GCC2: variants seen among roughly 807,000 people sequenced by gnomAD.
The protein encoded by GCC2 is GRIP and coiled-coil domain-containing protein 2.
GCC2 carries 120 observed loss-of-function variants against 210.6 expected under a neutral mutation model. That is an observed-to-expected ratio of 0.57 (90% CI 0.49 to 0.66). The LOEUF (loss-of-function observed/expected upper bound fraction) is 0.66, where lower values mean the gene tolerates loss of function less well. Among genes scored for constraint, GCC2 ranks in the 30% least tolerant of loss-of-function variants. The probability of loss-of-function intolerance (pLI) is 0.00; values close to 1 mark genes in which losing one functional copy is unlikely to be tolerated. For synonymous variants in GCC2, 703 were observed against 652.7 expected (o/e 1.08, Z -1.17); for missense variants, 1,868 against 1,871.9 (o/e 1.00, Z 0.04).
intron 15 of GCC2, among the ~76,000 whole-genome samples, chr2:108,486,126 T>G (rs192057858): frequency 6.6e-6 from 1 of 152,268 alleles, no homozygotes; most frequent in African/African-American, 2.4e-5. Flanking sequence ...TAATATACTA[T>G]AGAATAGTGC....
At chr2:108,449,778 AT>A (rs377365761) in intron 2 of GCC2, 89 bp downstream of exon 2, 192,435 of 697,212 alleles carry the variant, frequency 0.28, 6,846 homozygotes, top group African/African-American at 0.34. Flanking sequence ...GGGGGCGCTG[AT>A]TTTTTTTTTT....
intron 22 of GCC2, among the ~76,000 whole-genome samples, chr2:108,505,269 T>C (rs1683127013): frequency 2.0e-5 from 3 of 152,242 alleles, no homozygotes; most frequent in Non-Finnish European, 4.4e-5. Flanking sequence ...TTCTCTTTAT[T>C]CTTGGGAACA....
chr2:108,477,983 T>C lies in GCC2; in HGVS notation c.3060+2133T>C, dbSNP rs554933184. 3.6e-3 allele frequency among the ~76,000 whole-genome samples: 542 copies of C among 152,300 alleles called. 2 individuals carry two copies. The highest frequency in any genetic ancestry group is 5.7e-3 in the Non-Finnish European group (389 of 68,030). On this transcript the variant is annotated intron_variant, in intron 9 of 22. Coordinates refer to ENST00000309863, the MANE Select transcript of GCC2 (RefSeq NM_181453.4). ...ATCACTTGAACCTGGAAGGTGGCAG[T>C]TGCAGTGAGCGGAGATTGTACCACT...
At chr2:108,481,904 G>T (rs1681874710) in intron 10 of GCC2, 88 bp downstream of exon 10, 2 of 978,082 alleles carry the variant, frequency 2.0e-6, no homozygotes, top group Non-Finnish European at 2.9e-6. Flanking sequence ...AAAAAATATA[G>T]TCGGAAACAG....
chr2:108,486,149 G>C (rs1682128380), intron 15 of GCC2, among the ~76,000 whole-genome samples: 1 of 152,044 alleles, frequency 6.6e-6, no homozygotes, highest in Admixed American at 6.5e-5. Flanking sequence ...AATAAAATAA[G>C]CCTGCATCTG....
intron 4 of GCC2, among the ~76,000 whole-genome samples, chr2:108,467,231 T>C (rs922871892): frequency 9.2e-5 from 14 of 152,324 alleles, no homozygotes; most frequent in African/African-American, 3.4e-4. Flanking sequence ...TCACACATCT[T>C]TTGGTAAAGT....
intron 22 of GCC2, among the ~76,000 whole-genome samples, 190 bp downstream of exon 22, chr2:108,499,944 A>G (rs1420883409): frequency 6.6e-6 from 1 of 152,224 alleles, no homozygotes; most frequent in East Asian, 1.9e-4. Context: ...GTACATTTAT[A>G]TAATTTTAAC....
chr2:108,485,102 A>G (rs556341786), intron 13 of GCC2, among the ~76,000 whole-genome samples: 1 of 150,820 alleles, frequency 6.6e-6, no homozygotes, highest in South Asian at 2.1e-4. Flanking sequence ...ATTCTCACTC[A>G]TAGGTGGGAA....
rs3084885 is a variant in GCC2 at position 108,498,183 on chromosome 2, C to CTTTTT, written c.4782+1100_4782+1104dup. ...ATGACTTATTTAAATGTTATATTTT[C>CTTTTT]TTTTTTTTTTTTTTTTTTTTTTTTT... On this transcript the variant is annotated intron_variant, in intron 21 of 22. Transcript: ENST00000309863. 9.9e-3 allele frequency among the ~76,000 whole-genome samples: 572 copies of CTTTTT among 57,504 alleles called. 88 individuals carry two copies. Among genetic ancestry groups the CTTTTT allele is most frequent in the Middle Eastern group, 0.029 (2 of 70 alleles). 37.7% of individuals were successfully genotyped at this position (57,504 alleles called of 152,430 possible).
In GCC2 at chr2:108,492,628, G is replaced by A. The variant is rs1028058886; in HGVS notation, c.4285G>A (p.Val1429Met). The A allele has an allele frequency of 3.1e-6, 5 of 1,613,766 alleles. No homozygotes were observed. In the East Asian group the frequency reaches 8.9e-5, roughly 29 times the overall value. ...GATGAAATCTGAACATACACAGACTGTGAGTCAGCTAACATCCCAGAACGA... is the reference window on the plus strand; with the variant it reads ...GATGAAATCTGAACATACACAGACTATGAGTCAGCTAACATCCCAGAACGA... ...MMMKSEHTQT[V>M]SQLTSQNEVL... The change falls in exon 19 of 23, where the codon GTG becomes ATG. Residue 1429 changes from valine (V) to methionine (M), a missense_variant. Around this residue, in one of 3 missense-constraint regions of GCC2, gnomAD observed 1,847 missense variants for 1,765.2 expected, o/e 1.05. Transcript: ENST00000309863.
chr2:108,482,239 GTA>G (rs1466395544), intron 10 of GCC2, 46 bp from the exon 11 acceptor site: 5 of 1,090,848 alleles, frequency 4.6e-6, no homozygotes, highest in Admixed American at 2.1e-5. Context: ...TTCCTCTGCT[GTA>G]TATGTTTTTT....
chr2:108,492,814 T>C, intron 19 of GCC2, 24 bp downstream of exon 19: 4 of 1,498,528 alleles, frequency 2.7e-6, no homozygotes, highest in Non-Finnish European at 3.7e-6. Context: ...CATGGAAATA[T>C]TAGTTGTTCA....
chr2:108,469,422 G>C (rs1484776367), intron 5 of GCC2: 3 of 457,142 alleles, frequency 6.6e-6, no homozygotes, highest in African/African-American at 6.0e-5. Context: ...TTGCCTATTA[G>C]GTCTGGGCTA....
chr2:108,490,363 GT>G (rs1682350022), intron 18 of GCC2, among the ~76,000 whole-genome samples: 1 of 151,970 alleles, frequency 6.6e-6, no homozygotes, highest in Non-Finnish European at 1.5e-5. Flanking sequence ...CACCCAAATA[GT>G]TGCTAACTGA....
chr2:108,464,806 AAAG>A (rs1387620432), intron 4 of GCC2, among the ~76,000 whole-genome samples: 1 of 152,184 alleles, frequency 6.6e-6, no homozygotes, highest in Non-Finnish European at 1.5e-5. Flanking sequence ...ATTAATAAGA[AAAG>A]AGGTTTAATT....
chr2:108,472,006 G>A lies in GCC2; in HGVS notation c.2677G>A (p.Glu893Lys). 1.2e-6 allele frequency: 2 copies of A among 1,600,264 alleles called. No homozygotes were observed. The highest frequency in any genetic ancestry group is 2.3e-5 in the South Asian group (2 of 87,122). Residue 893 changes from glutamate (E) to lysine (K), a missense_variant, in exon 6 of 23, where the codon GAA (glutamate) becomes AAA (lysine). By Grantham distance (56) the Glu-to-Lys change is moderately conservative (BLOSUM62 1). Around this residue, in one of 3 missense-constraint regions of GCC2, gnomAD observed 1,847 missense variants for 1,765.2 expected, o/e 1.05. Transcript: ENST00000309863. ...EEVSQTCSKS[E>K]IHNEKEKCFI... The stretch of plus-strand genomic sequence containing the variant: ...AGTATCTCAAACATGTAGCAAAAGT[G>A]AAATCCATAATGAAAAAGAAAAATG...
intron 22 of GCC2, among the ~76,000 whole-genome samples, chr2:108,500,487 C>G (rs1163603657): frequency 6.6e-6 from 1 of 152,134 alleles, no homozygotes; most frequent in African/African-American, 2.4e-5. Flanking sequence ...TCCAGCCTGA[C>G]GGCAGAGCGA....
At chr2:108,506,245 T>G (rs1683179736) in intron 22 of GCC2, among the ~76,000 whole-genome samples, 1 of 152,158 alleles carries the variant, frequency 6.6e-6, no homozygotes, top group African/African-American at 2.4e-5. Context: ...AACTGGCAAA[T>G]GAATAAACTG....
rs528059431 is a variant in GCC2, at chr2:108,474,161, AAAAT to A, written c.2860+1274_2860+1277del. Among the ~76,000 whole-genome samples the A allele has an allele frequency of 2.4e-3, 361 of 152,308 alleles. 2 individuals carry two copies. Among genetic ancestry groups the A allele is most frequent in the African/African-American group, 7.8e-3 (326 of 41,562 alleles). ...CGACAGAGGGAGACTCCGTCTCAAA[AAAAT>A]AAATAAATAAAGCCGGGAGATTCAA... On this transcript the variant is annotated intron_variant, in intron 7 of 22. Transcript: ENST00000309863.
Sources: gnomAD v4.1 joint callset for allele counts (sites outside exome capture counted in the v4.1 genomes callset) on GRCh38, gnomAD v4.1.1 for gene constraint, gnomAD v4.1.1 regional missense constraint, MANE v1.5 for transcripts, NCBI Gene and HGNC (gene_info 2026-07-23, HGNC 2026-07-21) for gene names.